PI4KA: variants seen among roughly 807,000 people sequenced by gnomAD.
PI4KA encodes the protein phosphatidylinositol 4-kinase alpha.
PI4KA carries 122 observed loss-of-function variants against 271.4 expected under a neutral mutation model. That is an observed-to-expected ratio of 0.45 (90% CI 0.39 to 0.52). The LOEUF (loss-of-function observed/expected upper bound fraction) is 0.52, where lower values mean the gene tolerates loss of function less well. Among genes scored for constraint, PI4KA ranks in the 20% least tolerant of loss-of-function variants. PI4KA has a pLI of 0.00. For synonymous variants in PI4KA, 1,041 were observed against 1,078.8 expected, an observed-to-expected ratio of 0.96 and a Z score of 0.69; for missense variants, 1,969 against 2,769.1, an observed-to-expected ratio of 0.71 and a Z score of 6.48.
At chr22:20,733,901 C>T (rs187105162) in intron 34 of PI4KA, 58 bp from the exon 35 acceptor site, 1 of 1,610,592 alleles carries the variant, frequency 6.2e-7, no homozygotes, top group Non-Finnish European at 8.5e-7. Flanking sequence ...CCAAGTTCAC[C>T]TTATGGACTC....
At chr22:20,843,941 T>TC (rs66888486) in intron 1 of PI4KA, among the ~76,000 whole-genome samples, 10,434 of 152,206 alleles carry the variant, frequency 0.069, 347 homozygotes, top group East Asian at 0.079. Flanking sequence ...CTGCCTGGCC[T>TC]CTTCCATGGT....
Position 20,742,742 on chromosome 22 carries a change from G to A in PI4KA, c.3479C>T (p.Ser1160Leu), listed in dbSNP as rs998161479. Residue 1160 changes from serine (S) to leucine (L), a missense_variant, in exon 31 of 55, where the codon TCA (serine) becomes TTA (leucine). Coordinates refer to ENST00000255882, the MANE Select transcript of PI4KA (RefSeq NM_058004.4). ...AGEVYGMIRF[S>L]GTTGQMSDLN... The stretch of plus-strand genomic sequence containing the variant: ...GTCAGACATCTGGCCTGTGGTGCCT[G>A]AGAACCGAATCATTCCATACACCTG... 4 of 1,614,114 alleles carry A rather than the reference G, an allele frequency of 2.5e-6. No homozygotes were observed. The highest frequency in any genetic ancestry group is 3.4e-6 in the Non-Finnish European group (4 of 1,179,994).
chr22:20,804,431 G>C, intron 11 of PI4KA, 31 bp from the exon 12 acceptor site: 4 of 1,417,728 alleles, frequency 2.8e-6, no homozygotes, highest in Non-Finnish European at 4.0e-6. Flanking sequence ...GGAGATGAGT[G>C]ATCAGCACAG....
intron 3 of PI4KA, among the ~76,000 whole-genome samples, chr22:20,833,651 GT>G (rs869299414): frequency 2.1e-5 from 2 of 95,598 alleles, no homozygotes; most frequent in African/African-American, 4.8e-5. Flanking sequence ...GTTTTGGTTT[GT>G]TTTTGTTTTT....
rs117814990 is a variant in PI4KA at position 20,728,831 on chromosome 22, G to C, written c.4682+482C>G. 2.3e-3 allele frequency among the ~76,000 whole-genome samples: 356 copies of C among 152,300 alleles called. 5 individuals carry two copies. The East Asian group carries it at 0.055, about 24-fold the overall frequency. On this transcript the variant is annotated intron_variant, in intron 39 of 54. Coordinates refer to ENST00000255882, the MANE Select transcript of PI4KA (RefSeq NM_058004.4). ...AACAGGGACTCTGCAGTCCCTCTCAGCCACCATCGGTCTGAAGTTCTGTCC... is the reference window on the plus strand; with the variant it reads ...AACAGGGACTCTGCAGTCCCTCTCACCCACCATCGGTCTGAAGTTCTGTCC...
rs951159543 is a variant in PI4KA at position 20,858,754 on chromosome 22, G to A, written c.-29C>T. On this transcript the variant is annotated 5_prime_UTR_variant, in exon 1 of 55. Coordinates refer to ENST00000255882, the MANE Select transcript of PI4KA (RefSeq NM_058004.4). ...CTCACGAGCCGCGGCGCTGCCCGCC[G>A]GCTCCCCGCTCCTGGCCCGCGAGCG... The A allele has an allele frequency of 2.2e-6, 3 of 1,367,670 alleles. No homozygotes were observed. The highest frequency in any genetic ancestry group is 2.8e-6 in the Non-Finnish European group (3 of 1,058,294). 84.7% of individuals were successfully genotyped at this position (1,367,670 alleles called of 1,614,324 possible).
intron 50 of PI4KA, among the ~76,000 whole-genome samples, chr22:20,712,081 G>A (rs1456874977): frequency 1.6e-5 from 2 of 128,564 alleles, no homozygotes; most frequent in Admixed American, 8.2e-5. Flanking sequence ...TTTTTGAGAT[G>A]GAGTCTCACT....
chr22:20,714,503 T>A lies in PI4KA; in HGVS notation c.5416A>T (p.Lys1806Ter). 1 of 1,613,642 alleles carries A rather than the reference T, an allele frequency of 6.2e-7. No homozygotes were observed. Among genetic ancestry groups the A allele is most frequent in the Non-Finnish European group, 8.5e-7 (1 of 1,179,670 alleles). The part of the protein sequence containing the change: ...QSAAKAPYLA[K>*]FKVKRCGVSE... ...ACTCCACATCGCTTCACCTTGAACT[T>A]GGCCAGATATGGGGCTTTTGCAGCA... is the stretch of plus-strand genomic sequence containing the variant. The change falls in exon 47 of 55, where the codon AAG (lysine) becomes TAG (stop). Residue 1806 changes from lysine to a stop codon, truncating the protein, a stop_gained. Transcript: ENST00000255882. LOFTEE classifies it high-confidence loss of function.
Position 20,744,695 on chromosome 22 carries a change from G to C in PI4KA, c.3389C>G (p.Ala1130Gly), listed in dbSNP as rs1408981423. ...GTTGGAGTAGTCTTTCTTCACACAG[G>C]CCGGGCGCTCGCTCAGCTGAGTTGC... The part of the protein sequence containing the change: ...LGATQLSERP[A>G]CVKKDYSNFM... The change falls in exon 30 of 55, where the codon GCC becomes GGC. Residue 1130 changes from alanine (A) to glycine (G), a missense_variant. Around this residue, in one of 13 missense-constraint regions of PI4KA, gnomAD observed 203 missense variants for 256.8 expected, o/e 0.79. Coordinates refer to ENST00000255882, the MANE Select transcript of PI4KA (RefSeq NM_058004.4). 1 of 1,614,008 alleles carries C rather than the reference G, an allele frequency of 6.2e-7. No individual in the cohort carries two copies. The highest frequency in any genetic ancestry group is 1.3e-5 in the African/African-American group (1 of 74,920).
At chr22:20,768,032 T>C (rs961518477) in intron 19 of PI4KA, among the ~76,000 whole-genome samples, 4 of 151,416 alleles carry the variant, frequency 2.6e-5, no homozygotes, top group African/African-American at 9.7e-5. Flanking sequence ...AAATGCAAAC[T>C]TGGGGAGGGG....
intron 45 of PI4KA, among the ~76,000 whole-genome samples, chr22:20,716,188 C>T: frequency 6.6e-6 from 1 of 152,074 alleles, no homozygotes; most frequent in East Asian, 1.9e-4. Context: ...GTAGCTGGGA[C>T]TACAGGCGCC....
At position 20,764,905 on chromosome 22, in the gene PI4KA, G is replaced by A. The variant is rs1932376761; in HGVS notation, c.2620C>T (p.Pro874Ser). 13 of 1,613,330 alleles carry A rather than the reference G, an allele frequency of 8.1e-6. No individual in the cohort carries two copies. The highest frequency in any genetic ancestry group is 1.0e-5 in the Non-Finnish European group (12 of 1,179,518). ...LRSTIINLLDPPPEVSALINK... is the reference protein window; with the variant it reads ...LRSTIINLLDSPPEVSALINK... ...ATGAGTGCGGACACCTCGGGAGGGG[G>A]GTCCAGCAGGTTGATGATAGTGCTG... The change falls in exon 22 of 55, where the codon CCC becomes TCC. Residue 874 changes from proline (P) to serine (S), a missense_variant. Pro to Ser is a moderately conservative substitution (Grantham distance 74). Transcript: ENST00000255882.
Position 20,858,709 on chromosome 22 carries a change from G to C in PI4KA, c.17C>G (p.Ala6Gly), listed in dbSNP as rs745866581. MAAAP[A>G]RGGGGGGGGG... Reference sequence around the variant, plus strand: ...TCCGCCTCCGCCTCCGCCTCCCCGGGCCGGGGCCGCCGCCATCACCTCACG... The same window carrying C: ...TCCGCCTCCGCCTCCGCCTCCCCGGCCCGGGGCCGCCGCCATCACCTCACG... The change falls in exon 1 of 55, where the codon GCC becomes GGC. Residue 6 changes from alanine (A) to glycine (G), a missense_variant. Around this residue, in one of 13 missense-constraint regions of PI4KA, gnomAD observed 540 missense variants for 555.5 expected, o/e 0.97. Coordinates refer to ENST00000255882, the MANE Select transcript of PI4KA (RefSeq NM_058004.4). 38 of 1,441,924 alleles carry C rather than the reference G, an allele frequency of 2.6e-5. No homozygotes were observed. Among genetic ancestry groups the C allele is most frequent in the South Asian group, 2.7e-5 (2 of 73,804 alleles). The allele number at this position is 1,441,924 out of a possible 1,614,324, so 89.3% of individuals were successfully genotyped here.
chr22:20,771,296 A>G (rs1433085808), intron 19 of PI4KA, among the ~76,000 whole-genome samples: 2 of 151,834 alleles, frequency 1.3e-5, no homozygotes, highest in African/African-American at 4.8e-5. Flanking sequence ...GGTGGTGGGC[A>G]CCTGTAGTCC....
chr22:20,722,312 G>A (rs1018199846), intron 42 of PI4KA, among the ~76,000 whole-genome samples: 2 of 152,008 alleles, frequency 1.3e-5, no homozygotes, highest in Admixed American at 6.6e-5. Flanking sequence ...TCAGCCTCCC[G>A]AGTAGCTGGG....
chr22:20,710,576 G>T (rs933305415), intron 52 of PI4KA, 123 bp downstream of exon 52: 1 of 820,388 alleles, frequency 1.2e-6, no homozygotes. Flanking sequence ...ACAGGTGTAG[G>T]TCAGCAGGTG....
intron 53 of PI4KA, 51 bp downstream of exon 53, chr22:20,709,857 C>G (rs777576149): frequency 9.1e-6 from 9 of 992,942 alleles, no homozygotes; most frequent in Non-Finnish European, 1.3e-5. Flanking sequence ...GGAGCCTCAG[C>G]TAATGGACAA....
intron 42 of PI4KA, among the ~76,000 whole-genome samples, chr22:20,725,203 C>T (rs890980862): frequency 6.6e-6 from 1 of 152,170 alleles, no homozygotes; most frequent in African/African-American, 2.4e-5. Context: ...CCCAATTCAT[C>T]CAGGGAAATG....
At chr22:20,766,615 A>C (rs1932551354) in intron 19 of PI4KA, among the ~76,000 whole-genome samples, 1 of 152,238 alleles carries the variant, frequency 6.6e-6, no homozygotes, top group Non-Finnish European at 1.5e-5. Context: ...CAGTGAGCCA[A>C]GATCGCACCA....
Sources: gnomAD v4.1 joint callset for allele counts (sites outside exome capture counted in the v4.1 genomes callset) on GRCh38, gnomAD v4.1.1 for gene constraint, gnomAD v4.1.1 regional missense constraint, MANE v1.5 for transcripts, NCBI Gene and HGNC (gene_info 2026-07-23, HGNC 2026-07-21) for gene names.